The following SGSM3 variants were observed in gnomAD, a reference collection of about 807,000 sequenced individuals.
SGSM3 encodes the protein RUN and SH3 containing 3.
A neutral mutation model predicts 100.5 loss-of-function variants in SGSM3; 96 were observed. That is an observed-to-expected ratio of 0.96 (90% CI 0.81 to 1.13). SGSM3 has a LOEUF of 1.13. Among genes scored for constraint, SGSM3 ranks in the 50% most tolerant of loss-of-function variants. The probability of loss-of-function intolerance (pLI) is 0.00; values close to 1 mark genes in which losing one functional copy is unlikely to be tolerated. For synonymous variants in SGSM3, 483 were observed against 422.8 expected (o/e 1.14, Z -1.75); for missense variants, 1,001 against 1,015.8 (o/e 0.99, Z 0.20).
intron 1 of SGSM3, chr22:40,373,269 C>T (rs2045927500): frequency 6.6e-6 from 1 of 152,210 alleles, no homozygotes; most frequent in Admixed American, 6.5e-5. Flanking sequence ...CTTTCTCATT[C>T]TTAAAAATAT....
rs151285491 is a variant in SGSM3 at position 40,405,775 on chromosome 22, C to A, written c.745C>A (p.Arg249=). The change falls in exon 8 of 22, where the codon CGG becomes AGG. Residue 249 remains arginine, a synonymous_variant. Coordinates refer to ENST00000248929, the MANE Select transcript of SGSM3 (RefSeq NM_015705.6). ...CCTGCTGGGTGTCCAGACTGACCAG[C>A]GGGTCCTGCGCCACCTCATTGTCCA... ...TTLLGVQTDQ[R]VLRHLIVQYL... 6.2e-7 allele frequency: 1 copy of A among 1,613,588 alleles called. No individual in the cohort carries two copies. The highest frequency in any genetic ancestry group is 1.7e-5 in the Admixed American group (1 of 59,996).
rs990858063 is a variant in SGSM3, at chr22:40,405,262, G to C, written c.596G>C (p.Gly199Ala). ...CTGGCCTGGCTCTACCCAGAGATCG[G>C]CTACTGCCAGGGCACCGGCATGGTG... The part of the protein sequence containing the change: ...RALAWLYPEI[G>A]YCQGTGMVAA... Residue 199 changes from glycine to alanine, a missense_variant, in exon 7 of 22, where the codon GGC (glycine) becomes GCC (alanine). Coordinates refer to ENST00000248929, the MANE Select transcript of SGSM3 (RefSeq NM_015705.6). 1 of 1,522,536 alleles carries C rather than the reference G, an allele frequency of 6.6e-7. No homozygotes were observed. The highest frequency in any genetic ancestry group is 2.4e-5 in the East Asian group (1 of 41,924). 94.3% of individuals were successfully genotyped at this position (1,522,536 alleles called of 1,614,324 possible).
intron 4 of SGSM3, 164 bp from the exon 5 acceptor site, chr22:40,404,083 C>G (rs2051116659): frequency 3.9e-6 from 2 of 516,866 alleles, no homozygotes. Flanking sequence ...TAGAGGCTCA[C>G]CTGGAGCTGT....
At chr22:40,396,490 G>A (rs1250683793) in intron 1 of SGSM3, among the ~76,000 whole-genome samples, 1 of 151,886 alleles carries the variant, frequency 6.6e-6, no homozygotes, top group African/African-American at 2.4e-5. Context: ...CTACCTGGGA[G>A]GCTGAGGCAG....
At chr22:40,389,969 T>C (rs2049136267) in intron 1 of SGSM3, among the ~76,000 whole-genome samples, 1 of 149,456 alleles carries the variant, frequency 6.7e-6, no homozygotes, top group African/African-American at 2.5e-5. Flanking sequence ...ATGAACTTCA[T>C]CTGTGCTAGA....
At chr22:40,405,935 A>C in intron 8 of SGSM3, 91 bp downstream of exon 8, 1 of 1,481,790 alleles carries the variant, frequency 6.7e-7, no homozygotes, top group South Asian at 1.3e-5. Context: ...CCCCCCAACC[A>C]TGGTCTTTGT....
intron 1 of SGSM3, among the ~76,000 whole-genome samples, chr22:40,389,353 G>T (rs140883043): frequency 7.0e-6 from 1 of 143,188 alleles, no homozygotes; most frequent in Admixed American, 7.0e-5. Context: ...TAATCCCAGC[G>T]CTTTGGGAGG....
intron 4 of SGSM3, among the ~76,000 whole-genome samples, chr22:40,402,556 A>G (rs1358343904): frequency 6.6e-6 from 1 of 152,166 alleles, no homozygotes; most frequent in Non-Finnish European, 1.5e-5. Flanking sequence ...CCTAGCTAAC[A>G]TGGTGAAACC....
At chr22:40,370,951 C>T (rs2045317193) in intron 1 of SGSM3, among the ~76,000 whole-genome samples, 1 of 152,232 alleles carries the variant, frequency 6.6e-6, no homozygotes, top group African/African-American at 2.4e-5. Context: ...GCCGAGGCCA[C>T]CTCAGGTGTT....
chr22:40,401,650 A>G lies in SGSM3; in HGVS notation c.65A>G (p.Gln22Arg). ...GCCCTGACTCCGAGCATATGGCCCC[A>G]GGAGATCTTGGCCAAGTACACGCAG... ...FSALTPSIWP[Q>R]EILAKYTQKE... is the part of the protein sequence containing the mutation. Residue 22 changes from glutamine to arginine, a missense_variant, in exon 3 of 22, where the codon CAG (glutamine) becomes CGG (arginine). Coordinates refer to ENST00000248929, the MANE Select transcript of SGSM3 (RefSeq NM_015705.6). 6.2e-7 allele frequency: 1 copy of G among 1,613,212 alleles called. No individual in the cohort carries two copies. The highest frequency in any genetic ancestry group is 1.1e-5 in the South Asian group (1 of 91,062).
Position 40,407,931 on chromosome 22 carries a change from T to A in SGSM3, c.1579+88T>A. The A allele has an allele frequency of 6.8e-7, 1 of 1,470,110 alleles. No homozygotes were observed. Among genetic ancestry groups the A allele is most frequent in the South Asian group, 1.2e-5 (1 of 80,730 alleles). The allele number at this position is 1,470,110 out of a possible 1,614,324, so 91.1% of individuals were successfully genotyped here. A position where few individuals can be genotyped will look rare whatever the true frequency, so the allele number is the denominator to read the frequency against. On this transcript the variant is annotated intron_variant, in intron 14 of 21. Coordinates refer to ENST00000248929, the MANE Select transcript of SGSM3 (RefSeq NM_015705.6). This position sits in a 1 kb window ranked among gnomAD's most constrained non-coding sequence, Gnocchi z 4.7. ...GGTGACCCTGGCCGCCACCAAGCTGTTCTCCTCTATACACCTGCCTGGCTT... is the reference window on the plus strand; with the variant it reads ...GGTGACCCTGGCCGCCACCAAGCTGATCTCCTCTATACACCTGCCTGGCTT...
At chr22:40,396,453 C>T (rs1229449845) in intron 1 of SGSM3, among the ~76,000 whole-genome samples, 1 of 151,954 alleles carries the variant, frequency 6.6e-6, no homozygotes, top group African/African-American at 2.4e-5. Flanking sequence ...ATTAGCCAGG[C>T]GTGGTGGCAC....
At chr22:40,375,451 G>A (rs1247362399) in intron 1 of SGSM3, among the ~76,000 whole-genome samples, 3 of 151,978 alleles carry the variant, frequency 2.0e-5, no homozygotes, top group African/African-American at 7.2e-5. Flanking sequence ...GTGGTGGCAG[G>A]CGCCTGTAAT....
chr22:40,408,508 C>T, intron 16 of SGSM3, 79 bp downstream of exon 16: 2 of 1,595,574 alleles, frequency 1.3e-6, no homozygotes, highest in Non-Finnish European at 1.7e-6. Context: ...TAGGTCCTTC[C>T]TGCCCCACAG....
Position 40,407,214 on chromosome 22 carries a change from G to A in SGSM3, c.1254G>A (p.Leu418=), listed in dbSNP as rs764167438. ...ITALLFGEDD[L]EALKAKNIKQ... ...TGGGCCTCCTAGGGGAGGATGACCT[G>A]GAGGCACTCAAGGCCAAGAACATCA... The change falls in exon 12 of 22, where the codon CTG becomes CTA. Residue 418 remains leucine (L), a synonymous_variant. Coordinates refer to ENST00000248929, the MANE Select transcript of SGSM3 (RefSeq NM_015705.6). This position sits in a 1 kb window ranked among gnomAD's most constrained non-coding sequence, Gnocchi z 4.7. 1 of 1,613,638 alleles carries A rather than the reference G, an allele frequency of 6.2e-7. No individual in the cohort carries two copies.
chr22:40,406,940 G>C, intron 10 of SGSM3, 77 bp from the exon 11 acceptor site: 1 of 1,380,088 alleles, frequency 7.2e-7, no homozygotes, highest in Non-Finnish European at 1.0e-6. Context: ...TTTCAGATGA[G>C]ACAGTATAAG....
intron 6 of SGSM3, 40 bp from the exon 7 acceptor site, chr22:40,405,101 C>T: frequency 6.8e-7 from 1 of 1,469,926 alleles, no homozygotes; most frequent in African/African-American, 1.4e-5. Context: ...CAGGGTGTCA[C>T]AAGGTCTTGT....
chr22:40,408,290 G>A lies in SGSM3; in HGVS notation c.1643G>A (p.Gly548Glu). The change falls in exon 16 of 22, where the codon GGG (glycine) becomes GAG (glutamate). Residue 548 changes from glycine to glutamate, a missense_variant. By Grantham distance (98) the Gly-to-Glu change is moderately conservative. Transcript: ENST00000248929. ...DERSKEYSIAGDDSVTEGVTD... is the reference protein window; with the variant it reads ...DERSKEYSIAEDDSVTEGVTD... Reference sequence around the variant, plus strand: ...CCCTCCCATCAGTACTCCATCGCGGGGGATGACTCGGTGACGGAGGGGGTC... The same window carrying A: ...CCCTCCCATCAGTACTCCATCGCGGAGGATGACTCGGTGACGGAGGGGGTC... 6.2e-7 allele frequency: 1 copy of A among 1,613,624 alleles called. No homozygotes were observed.
intron 1 of SGSM3, among the ~76,000 whole-genome samples, chr22:40,398,478 TCTGCTACAAGCAGC>T (rs1288113709): frequency 7.1e-6 from 1 of 141,398 alleles, no homozygotes; most frequent in Non-Finnish European, 1.5e-5. Flanking sequence ...AGCTGATTTC[TCTGCTACAAGCAGC>T]CTGCAGGTGC....
Sources: allele counts gnomAD v4.1 joint callset (sites outside exome capture counted in the v4.1 genomes callset), GRCh38; gene constraint gnomAD v4.1.1; non-coding constraint Gnocchi (gnomAD v3.1); transcripts MANE v1.5; gene names NCBI Gene and HGNC (gene_info 2026-07-23, HGNC 2026-07-21).